IMPG1: variants seen among roughly 807,000 people sequenced by gnomAD.
IMPG1 encodes interphotoreceptor matrix proteoglycan 1.
A neutral mutation model predicts 92.0 loss-of-function variants in IMPG1; 85 were observed. The ratio of observed to expected loss-of-function variants is 0.92; its 90% CI spans 0.78 to 1.11. The LOEUF (loss-of-function observed/expected upper bound fraction) is 1.11. Among genes scored for constraint, IMPG1 ranks in the 50% least tolerant of loss-of-function variants. The probability of loss-of-function intolerance (pLI) is 0.00; values close to 1 mark genes in which losing one functional copy is unlikely to be tolerated. For synonymous variants in IMPG1, 367 were observed against 334.1 expected (o/e 1.10, Z -1.08); for missense variants, 1,022 against 956.0 (o/e 1.07, Z -0.91).
chr6:75,951,471 A>G (rs1782030210), intron 12 of IMPG1, among the ~76,000 whole-genome samples: 1 of 152,192 alleles, frequency 6.6e-6, no homozygotes, highest in Non-Finnish European at 1.5e-5. Context: ...TGCAGCTGGC[A>G]TTGGAACAGA....
chr6:76,067,948 CT>C (rs1784340561), intron 1 of IMPG1, among the ~76,000 whole-genome samples: 1 of 152,136 alleles, frequency 6.6e-6, no homozygotes, highest in Non-Finnish European at 1.5e-5. Flanking sequence ...ATAAGATCAT[CT>C]CTTTAGACAC....
At chr6:76,023,105 G>A (rs896403014) in intron 5 of IMPG1, among the ~76,000 whole-genome samples, 2 of 152,184 alleles carry the variant, frequency 1.3e-5, no homozygotes, top group Admixed American at 1.3e-4. Context: ...GTGGAATTGT[G>A]CTTCCTAGTG....
intron 15 of IMPG1, among the ~76,000 whole-genome samples, chr6:75,924,523 T>A (rs1402936737): frequency 2.8e-5 from 2 of 70,698 alleles, no homozygotes; most frequent in Admixed American, 2.6e-4. Flanking sequence ...AATATAATTA[T>A]ATATTATAAT....
At position 76,034,728 on chromosome 6, in the gene IMPG1, C is replaced by T. The variant is rs760355051; in HGVS notation, c.361G>A (p.Gly121Arg). Reference sequence around the variant, plus strand: ...ATGCTGACCCAGTCCTGATATTCCCCTGTGTCAGGGATGCGATCCAGAAAG... The same window carrying T: ...ATGCTGACCCAGTCCTGATATTCCCTTGTGTCAGGGATGCGATCCAGAAAG... ...RIFLDRIPDT[G>R]EYQDWVSICQ... Residue 121 changes from glycine to arginine, a missense_variant, in exon 3 of 17, where the codon GGG becomes AGG. By Grantham distance (125) the Gly-to-Arg change is moderately radical. This residue lies in a region of IMPG1 where 681 missense variants were observed against 583.6 expected (regional missense o/e 1.17). Coordinates refer to ENST00000369950, the MANE Select transcript of IMPG1 (RefSeq NM_001563.4). 1 of 1,614,068 alleles carries T rather than the reference C, an allele frequency of 6.2e-7. No homozygotes were observed. The highest frequency in any genetic ancestry group is 1.1e-5 in the South Asian group (1 of 91,076).
chr6:76,001,309 AGTTTT>A, intron 12 of IMPG1, among the ~76,000 whole-genome samples: 1 of 152,330 alleles, frequency 6.6e-6, no homozygotes, highest in Non-Finnish European at 1.5e-5. Flanking sequence ...TTTCATGAAA[AGTTTT>A]GTTTTGTTTT....
chr6:75,932,687 A>G (rs1324245714), intron 14 of IMPG1, among the ~76,000 whole-genome samples: 3 of 152,024 alleles, frequency 2.0e-5, no homozygotes, highest in Non-Finnish European at 4.4e-5. Context: ...TGGGTAGGCC[A>G]TACCAATATT....
At chr6:75,950,539 A>G in intron 13 of IMPG1, 23 bp downstream of exon 13, 2 of 1,543,330 alleles carry the variant, frequency 1.3e-6, no homozygotes, top group Non-Finnish European at 1.7e-6. Context: ...AAGAATTGGG[A>G]ATTGTGAGCA....
intron 12 of IMPG1, among the ~76,000 whole-genome samples, chr6:75,994,877 T>G: frequency 6.6e-6 from 1 of 152,206 alleles, no homozygotes; most frequent in African/African-American, 2.4e-5. Context: ...AAACTGACCC[T>G]GTCAAAGACC....
intron 12 of IMPG1, among the ~76,000 whole-genome samples, chr6:75,955,128 G>GT (rs796334799): frequency 2.4e-4 from 36 of 152,016 alleles, no homozygotes; most frequent in African/African-American, 8.0e-4. Flanking sequence ...AATTTAAAGT[G>GT]TTTTTTTCTA....
intron 12 of IMPG1, among the ~76,000 whole-genome samples, chr6:75,980,419 T>C (rs1384310031): frequency 7.9e-5 from 12 of 152,178 alleles, no homozygotes; most frequent in Non-Finnish European, 1.5e-4. Flanking sequence ...CAAAGCATCG[T>C]TCCTGGGTGT....
chr6:76,012,422 G>A (rs980191904), intron 7 of IMPG1, among the ~76,000 whole-genome samples: 5 of 152,152 alleles, frequency 3.3e-5, no homozygotes, highest in African/African-American at 1.2e-4. Context: ...TTAAACATAA[G>A]GAGCCTTCGA....
chr6:75,991,654 C>T (rs768265061), intron 12 of IMPG1, among the ~76,000 whole-genome samples: 1 of 152,174 alleles, frequency 6.6e-6, no homozygotes, highest in Non-Finnish European at 1.5e-5. Flanking sequence ...TTATTGAGTG[C>T]ATATTTCCTG....
At chr6:76,041,856 A>G in intron 2 of IMPG1, 37 bp downstream of exon 2, 1 of 1,377,050 alleles carries the variant, frequency 7.3e-7, no homozygotes, top group Non-Finnish European at 1.0e-6. Flanking sequence ...AGGGATGGAA[A>G]TAACACAAGG....
At chr6:76,034,921 C>T (rs1783711909) in intron 2 of IMPG1, 134 bp from the exon 3 acceptor site, 2 of 712,544 alleles carry the variant, frequency 2.8e-6, no homozygotes, top group Non-Finnish European at 4.6e-6. Flanking sequence ...AAAGTTAATT[C>T]ATTTAACAAA....
At chr6:76,072,346 G>C in intron 1 of IMPG1, 76 bp downstream of exon 1, 1 of 780,414 alleles carries the variant, frequency 1.3e-6, no homozygotes, top group Non-Finnish European at 2.1e-6. Context: ...TGGTAGCCTT[G>C]TTGGTTCTAA....
At chr6:76,062,394 A>G (rs528065203) in intron 1 of IMPG1, among the ~76,000 whole-genome samples, 3 of 152,362 alleles carry the variant, frequency 2.0e-5, no homozygotes, top group African/African-American at 7.2e-5. Context: ...TCAAAATTAG[A>G]TGGCAATGTA....
intron 12 of IMPG1, among the ~76,000 whole-genome samples, chr6:75,977,190 C>T (rs1054733767): frequency 6.6e-6 from 1 of 152,104 alleles, no homozygotes; most frequent in African/African-American, 2.4e-5. Flanking sequence ...AAAGCATGAT[C>T]GAAAGATCCA....
chr6:75,954,921 G>T (rs908694574), intron 12 of IMPG1, among the ~76,000 whole-genome samples: 2 of 152,156 alleles, frequency 1.3e-5, no homozygotes, highest in Admixed American at 1.3e-4. Context: ...TCAGATGATT[G>T]TAGATGTGTG....
At chr6:76,068,683 A>T (rs913309322) in intron 1 of IMPG1, among the ~76,000 whole-genome samples, 2 of 151,524 alleles carry the variant, frequency 1.3e-5, no homozygotes, top group African/African-American at 4.9e-5. Flanking sequence ...TGCCTGGCTA[A>T]TTTTTATATT....
Sources: gnomAD v4.1 joint callset for allele counts (sites outside exome capture counted in the v4.1 genomes callset) on GRCh38, gnomAD v4.1.1 for gene constraint, gnomAD v4.1.1 regional missense constraint, MANE v1.5 for transcripts, NCBI Gene and HGNC (gene_info 2026-07-23, HGNC 2026-07-21) for gene names.